The following DACH2 variants were observed in gnomAD, a reference collection of about 807,000 sequenced individuals.
DACH2 encodes the protein dachshund family transcription factor 2, also known as dachshund homolog 2.
In DACH2, 17 loss-of-function variants were observed where a neutral mutation model predicts 35.8. The ratio of observed to expected loss-of-function variants is 0.48; its 90% CI spans 0.33 to 0.71. The LOEUF (loss-of-function observed/expected upper bound fraction) is 0.71. DACH2 is among the 30% of genes least tolerant of loss of function. The pLI is 0.02. For synonymous variants in DACH2, 195 were observed against 177.3 expected, an observed-to-expected ratio of 1.10 and a Z score of -0.79; for missense variants, 469 against 472.7, an observed-to-expected ratio of 0.99 and a Z score of 0.07.
At chrX:86,637,246 A>AAAAAAAAAAC (rs2040282352) in intron 3 of DACH2, among the ~76,000 whole-genome samples, 1 of 81,849 alleles carries the variant, frequency 1.2e-5, no homozygotes, top group East Asian at 6.1e-4. Flanking sequence ...AAAAAAAAAA[A>AAAAAAAAAAC]CAGATGCTGG....
At chrX:86,228,214 A>G (rs2032868673) in intron 1 of DACH2, among the ~76,000 whole-genome samples, 1 of 109,992 alleles carries the variant, frequency 9.1e-6, no homozygotes, top group Admixed American at 9.8e-5. Context: ...AGAACATACG[A>G]TGTTTGGTTT....
rs935119419 is a variant in DACH2, at chrX:86,425,413, G to T, written c.527+48551G>T. On this transcript the variant is annotated intron_variant, in intron 2 of 11. Coordinates refer to ENST00000373125, the MANE Select transcript of DACH2 (RefSeq NM_053281.3). ...CTTCCTGGCTCGATCTTGGTAGGTT[G>T]CATGTGTCTAGGGAATTTGTCTATT... 5.4e-5 allele frequency among the ~76,000 whole-genome samples: 6 copies of T among 110,315 alleles called. No homozygotes were observed. The East Asian group carries it at 1.7e-3, about 32-fold the overall frequency.
At chrX:86,417,539 GT>G (rs751997483) in intron 2 of DACH2, among the ~76,000 whole-genome samples, 11 of 111,306 alleles carry the variant, frequency 9.9e-5, no homozygotes, top group Middle Eastern at 4.6e-3. Flanking sequence ...TCCTGTTTCT[GT>G]TTTTAAAACC....
intron 3 of DACH2, among the ~76,000 whole-genome samples, chrX:86,551,277 T>G (rs1396416643): frequency 2.7e-5 from 3 of 111,562 alleles, no homozygotes; most frequent in Non-Finnish European, 5.7e-5. Flanking sequence ...TGACAGATTA[T>G]TTTTGATTGC....
chrX:86,642,219 A>T (rs1019907250), intron 3 of DACH2, among the ~76,000 whole-genome samples: 1 of 111,650 alleles, frequency 9.0e-6, no homozygotes, highest in Non-Finnish European at 1.9e-5. Context: ...GATCCACCTC[A>T]CGTCATGACA....
chrX:86,740,203 A>G (rs1039428403), intron 7 of DACH2, among the ~76,000 whole-genome samples: 3 of 110,966 alleles, frequency 2.7e-5, no homozygotes, highest in Non-Finnish European at 5.7e-5. Flanking sequence ...CATCTTTTGA[A>G]TAAGGGAAGT....
chrX:86,484,952 A>G (rs1424857978), intron 2 of DACH2, among the ~76,000 whole-genome samples: 2 of 111,924 alleles, frequency 1.8e-5, no homozygotes, highest in African/African-American at 6.5e-5. Context: ...TCAAAGTATA[A>G]TTATCTTAAA....
intron 3 of DACH2, among the ~76,000 whole-genome samples, chrX:86,612,267 C>T (rs1172734983): frequency 1.9e-5 from 2 of 106,959 alleles, no homozygotes. Flanking sequence ...TCTCTCTCCT[C>T]TCTTCAAGCA....
At chrX:86,787,573 G>A (rs1444057046) in intron 7 of DACH2, among the ~76,000 whole-genome samples, 3 of 103,310 alleles carry the variant, frequency 2.9e-5, no homozygotes, top group Non-Finnish European at 5.8e-5. Flanking sequence ...AGCCGAGATC[G>A]CACCATTGCA....
In DACH2 at chrX:86,791,885, A is replaced by G. The variant is rs1446102414; in HGVS notation, c.1241-20971A>G. Among the ~76,000 whole-genome samples, 5 of 111,915 alleles carry G rather than the reference A, an allele frequency of 4.5e-5. No individual in the cohort carries two copies. The Admixed American group carries it at 4.8e-4, about 11-fold the overall frequency. On this transcript the variant is annotated intron_variant, in intron 7 of 11. Coordinates refer to ENST00000373125, the MANE Select transcript of DACH2 (RefSeq NM_053281.3). ...GTACAAGTAAAGGTTTGTTACATAG[A>G]TAAACTTGTGTTATGGGGGTTTGTT...
At chrX:86,178,089 G>A (rs756690532) in intron 1 of DACH2, among the ~76,000 whole-genome samples, 10 of 111,913 alleles carry the variant, frequency 8.9e-5, no homozygotes, top group African/African-American at 1.6e-4. Flanking sequence ...TCATTGGCAG[G>A]TTTGTTAAAA....
chrX:86,769,899 C>T (rs1298623020), intron 7 of DACH2, among the ~76,000 whole-genome samples: 2 of 109,358 alleles, frequency 1.8e-5, no homozygotes, highest in Admixed American at 9.9e-5. Context: ...TGGTGGCTCA[C>T]ACCTGTAATC....
intron 2 of DACH2, among the ~76,000 whole-genome samples, chrX:86,404,320 C>A (rs1467203603): frequency 5.4e-5 from 6 of 111,619 alleles, no homozygotes; most frequent in Non-Finnish European, 1.1e-4. Flanking sequence ...CACCTATGAG[C>A]CTGTTTAATG....
intron 3 of DACH2, among the ~76,000 whole-genome samples, chrX:86,572,399 T>C (rs950420128): frequency 8.0e-5 from 9 of 111,975 alleles, no homozygotes; most frequent in Non-Finnish European, 1.1e-4. Flanking sequence ...TTGTATACTA[T>C]GAGCTCACTA....
chrX:86,752,627 G>A (rs2041786486), intron 7 of DACH2, among the ~76,000 whole-genome samples: 1 of 111,205 alleles, frequency 9.0e-6, no homozygotes, highest in South Asian at 3.7e-4. Context: ...TTTTTTGCAG[G>A]AATCATAGAT....
chrX:86,372,786 G>C (rs1191429769), intron 1 of DACH2, among the ~76,000 whole-genome samples: 2 of 111,061 alleles, frequency 1.8e-5, no homozygotes, highest in Non-Finnish European at 3.8e-5. Flanking sequence ...AGAGAGCATA[G>C]TACCTAATAG....
intron 6 of DACH2, among the ~76,000 whole-genome samples, chrX:86,719,995 G>A (rs1602846669): frequency 1.0e-5 from 1 of 95,941 alleles, no homozygotes; most frequent in African/African-American, 4.0e-5. Context: ...CTAGAGTGCA[G>A]TGGTGCTATC....
In DACH2 at chrX:86,599,170, A is replaced by G. The variant is rs769756602; in HGVS notation, c.641-51866A>G. ...ATGGCTGCGTAGTATTCCATGGTGTATATGTGCCACATTTTATTTATCTTA... is the reference window on the plus strand; with the variant it reads ...ATGGCTGCGTAGTATTCCATGGTGTGTATGTGCCACATTTTATTTATCTTA... On this transcript the variant is annotated intron_variant, in intron 3 of 11. Coordinates refer to ENST00000373125, the MANE Select transcript of DACH2 (RefSeq NM_053281.3). Among the ~76,000 whole-genome samples the G allele has an allele frequency of 4.5e-5, 5 of 111,346 alleles. No homozygotes were observed. In the East Asian group the frequency reaches 1.4e-3, roughly 32 times the overall value.
intron 1 of DACH2, among the ~76,000 whole-genome samples, chrX:86,219,125 T>C (rs1008860431): frequency 8.9e-6 from 1 of 111,902 alleles, no homozygotes; most frequent in Non-Finnish European, 1.9e-5. Context: ...AGAACGTGAG[T>C]TGATGCATTT....
Sources: allele counts gnomAD v4.1 joint callset (sites outside exome capture counted in the v4.1 genomes callset), GRCh38; gene constraint gnomAD v4.1.1; transcripts MANE v1.5; gene names NCBI Gene and HGNC (gene_info 2026-07-23, HGNC 2026-07-21).